Variants in WHRN observed in about 807,000 individuals in gnomAD.
The protein encoded by WHRN is whirlin, also known as CASK-interacting protein CIP98.
In WHRN, 41 loss-of-function variants were observed where a neutral mutation model predicts 68.3. That is an observed-to-expected ratio of 0.60 (90% CI 0.47 to 0.78). The LOEUF is 0.78. Among genes scored for constraint, WHRN ranks in the 30% least tolerant of loss-of-function variants. The pLI is 0.00. For missense variants in WHRN, 1,243 were observed against 1,244.7 expected, an observed-to-expected ratio of 1.00 and a Z score of 0.02; for synonymous variants, 560 against 561.3, an observed-to-expected ratio of 1.00 and a Z score of 0.03.
chr9:114,444,147 C>T (rs1180664117), intron 3 of WHRN, among the ~76,000 whole-genome samples: 1 of 152,196 alleles, frequency 6.6e-6, no homozygotes, highest in East Asian at 1.9e-4. Context: ...AACTCCCGTA[C>T]CCCATCTAGA....
At chr9:114,435,574 T>C (rs907114387) in intron 3 of WHRN, among the ~76,000 whole-genome samples, 2 of 152,188 alleles carry the variant, frequency 1.3e-5, no homozygotes, top group East Asian at 3.8e-4. Context: ...CAGCCCCTCA[T>C]TCTGAAAGAA....
At chr9:114,497,769 A>G (rs998146943) in intron 1 of WHRN, among the ~76,000 whole-genome samples, 5 of 152,224 alleles carry the variant, frequency 3.3e-5, no homozygotes, top group Non-Finnish European at 7.3e-5. Context: ...AAAGCCATTG[A>G]GTATCCAGGC....
chr9:114,479,421 C>G (rs1028907519), intron 1 of WHRN, among the ~76,000 whole-genome samples: 1 of 152,192 alleles, frequency 6.6e-6, no homozygotes, highest in Non-Finnish European at 1.5e-5. Context: ...ACCCTTTCCC[C>G]GTGATCATTC....
chr9:114,403,572 G>C (rs1249730883), intron 10 of WHRN, among the ~76,000 whole-genome samples: 1 of 152,232 alleles, frequency 6.6e-6, no homozygotes. Flanking sequence ...GCTGTCTGGT[G>C]GTGGCATCAG....
intron 7 of WHRN, among the ~76,000 whole-genome samples, chr9:114,414,053 G>A (rs1479454199): frequency 1.3e-5 from 2 of 152,202 alleles, no homozygotes; most frequent in East Asian, 1.9e-4. Flanking sequence ...GCAGGCACCC[G>A]AGAACTTGGC....
At chr9:114,462,650 T>C (rs7867605) in intron 3 of WHRN, among the ~76,000 whole-genome samples, 113,589 of 152,146 alleles carry the variant, frequency 0.75, 42,613 homozygotes, top group East Asian at 0.97. Flanking sequence ...TGACAGGCGC[T>C]ATACCATAGT....
chr9:114,440,833 G>A lies in WHRN; in HGVS notation c.964-14420C>T, dbSNP rs545565658. Among the ~76,000 whole-genome samples the A allele has an allele frequency of 4.6e-5, 7 of 152,248 alleles. No individual in the cohort carries two copies. In the South Asian group the frequency reaches 1.4e-3, roughly 32 times the overall value. On this transcript the variant is annotated intron_variant, in intron 3 of 11. Coordinates refer to ENST00000362057, the MANE Select transcript of WHRN (RefSeq NM_015404.4). Reference sequence around the variant, plus strand: ...TAAATTGCATATCATAGTAAAAAGTGGTCTCTCGTGGCTCTCATATATTTT... The same window carrying A: ...TAAATTGCATATCATAGTAAAAAGTAGTCTCTCGTGGCTCTCATATATTTT...
intron 2 of WHRN, among the ~76,000 whole-genome samples, chr9:114,470,666 C>G (rs531953194): frequency 4.0e-4 from 61 of 152,280 alleles, no homozygotes; most frequent in Admixed American, 1.0e-3. Flanking sequence ...ACACAGTAGG[C>G]AGCTCCTGCC....
chr9:114,495,440 T>C (rs1203536863), intron 1 of WHRN, among the ~76,000 whole-genome samples: 1 of 151,480 alleles, frequency 6.6e-6, no homozygotes, highest in East Asian at 1.9e-4. Context: ...GCCTGGAGAG[T>C]CCAGCCTCCC....
intron 2 of WHRN, among the ~76,000 whole-genome samples, chr9:114,472,424 G>A (rs1173413098): frequency 6.6e-6 from 1 of 152,184 alleles, no homozygotes; most frequent in Admixed American, 6.5e-5. Context: ...TGCCCAGATA[G>A]GACGGATCCG....
intron 1 of WHRN, among the ~76,000 whole-genome samples, chr9:114,492,174 G>A (rs564620574): frequency 7.6e-4 from 116 of 152,266 alleles, no homozygotes; most frequent in African/African-American, 2.8e-3. Flanking sequence ...GTTAAACGCT[G>A]GTGGGAGGGA....
At chr9:114,486,953 GTGTGTGTATATATATATATATATA>G (rs1374242980) in intron 1 of WHRN, among the ~76,000 whole-genome samples, 9 of 115,428 alleles carry the variant, frequency 7.8e-5, no homozygotes, top group African/African-American at 4.2e-4. Context: ...GTGTGTGTGT[GTGTGTGTATATATATATATATATA>G]TATATATATA....
rs755858419 is a variant in WHRN at position 114,504,572 on chromosome 9, G to C, written c.230C>G (p.Thr77Ser). The stretch of plus-strand genomic sequence containing the variant: ...CGGACTGTCCAGCAGCACGCGCAGG[G>C]TGCGCACCAGGTCGAAGACGTTGCG... ...ARRNVFDLVRTLRVLLDSPVK... is the reference protein window; with the variant it reads ...ARRNVFDLVRSLRVLLDSPVK... The change falls in exon 1 of 12, where the codon ACC (threonine) becomes AGC (serine). Residue 77 changes from threonine to serine, a missense_variant. Thr to Ser is a moderately conservative substitution (Grantham distance 58). Transcript: ENST00000362057. The C allele has an allele frequency of 7.4e-6, 12 of 1,611,546 alleles. No homozygotes were observed. Among genetic ancestry groups the C allele is most frequent in the Non-Finnish European group, 8.5e-6 (10 of 1,179,770 alleles).
Position 114,478,238 on chromosome 9 carries a change from G to A in WHRN, c.837+315C>T, listed in dbSNP as rs116890527. 4.3e-3 allele frequency: 2,745 copies of A among 638,610 alleles called. 39 individuals carry two copies. Among genetic ancestry groups the A allele is most frequent in the South Asian group, 0.032 (1,647 of 52,176 alleles). The allele number at this position is 638,610 out of a possible 1,614,324, so 39.6% of individuals were successfully genotyped here. On this transcript the variant is annotated intron_variant, in intron 2 of 11. Coordinates refer to ENST00000362057, the MANE Select transcript of WHRN (RefSeq NM_015404.4). ...TGGAGGCAGAGGTTGCAGCGAGCCA[G>A]GATCTCGTGACCGCATTCCAGCCTG...
At chr9:114,428,782 C>A (rs538637966) in intron 3 of WHRN, among the ~76,000 whole-genome samples, 1 of 151,916 alleles carries the variant, frequency 6.6e-6, no homozygotes, top group African/African-American at 2.4e-5. Context: ...CTTTACCCCC[C>A]TGAGCAGATC....
rs755922335 is a variant in WHRN, at chr9:114,504,249, C to T, written c.553G>A (p.Gly185Arg). The T allele has an allele frequency of 3.7e-6, 6 of 1,614,046 alleles. No individual in the cohort carries two copies. In the Admixed American group the frequency reaches 6.7e-5, roughly 18 times the overall value. The change falls in exon 1 of 12, where the codon GGG becomes AGG. Residue 185 changes from glycine (G) to arginine (R), a missense_variant. By Grantham distance (125) the Gly-to-Arg change is moderately radical (BLOSUM62 -2). Coordinates refer to ENST00000362057, the MANE Select transcript of WHRN (RefSeq NM_015404.4). ...TCGTTGACGCGCAGAATCTGGTCCC[C>T]GACCCGCAGTCCTTCCTTCTCAGCT... ...SLAEKEGLRV[G>R]DQILRVNDKS...
At chr9:114,405,933 C>A (rs1024977535) in intron 9 of WHRN, among the ~76,000 whole-genome samples, 1 of 152,206 alleles carries the variant, frequency 6.6e-6, no homozygotes, top group Non-Finnish European at 1.5e-5. Context: ...CCTAGACCTG[C>A]CAGGGGTCCA....
At chr9:114,492,911 G>C (rs1279802964) in intron 1 of WHRN, among the ~76,000 whole-genome samples, 1 of 152,164 alleles carries the variant, frequency 6.6e-6, no homozygotes, top group Non-Finnish European at 1.5e-5. Context: ...CAGCTACTCG[G>C]GAGGCTGAGG....
chr9:114,482,694 A>G (rs951159347), intron 1 of WHRN, among the ~76,000 whole-genome samples: 2 of 151,990 alleles, frequency 1.3e-5, no homozygotes, highest in Admixed American at 1.3e-4. Context: ...AAAAAAAAAA[A>G]GGGAAGGAAA....
Sources: gnomAD v4.1 joint callset for allele counts (sites outside exome capture counted in the v4.1 genomes callset) on GRCh38, gnomAD v4.1.1 for gene constraint, MANE v1.5 for transcripts, NCBI Gene and HGNC (gene_info 2026-07-23, HGNC 2026-07-21) for gene names.